CDH6: variants seen among roughly 807,000 people sequenced by gnomAD.
The protein encoded by CDH6 is cadherin-6.
Under a neutral mutation model 78.0 loss-of-function variants are expected in CDH6, and 31 were observed. The ratio of observed to expected loss-of-function variants is 0.40; its 90% CI spans 0.30 to 0.54. CDH6 has a LOEUF of 0.54. Ranked by LOEUF, CDH6 falls within the 20% of genes least tolerant of loss-of-function variation. The pLI, the probability that CDH6 is intolerant of heterozygous loss-of-function variation, is 0.56. For missense variants in CDH6, 724 were observed against 975.9 expected, an observed-to-expected ratio of 0.74 and a Z score of 3.44; for synonymous variants, 376 against 368.8, an observed-to-expected ratio of 1.02 and a Z score of -0.23.
chr5:31,236,977 C>T (rs1741470579), intron 1 of CDH6, among the ~76,000 whole-genome samples: 3 of 152,078 alleles, frequency 2.0e-5, no homozygotes, highest in South Asian at 2.1e-4. Flanking sequence ...AGAAAATTCA[C>T]ATAGATTTGT....
At chr5:31,198,544 TTC>T (rs992340818) in intron 1 of CDH6, among the ~76,000 whole-genome samples, 1 of 152,158 alleles carries the variant, frequency 6.6e-6, no homozygotes, top group African/African-American at 2.4e-5. Flanking sequence ...ACACTGTGTT[TTC>T]TCTTTCTCTA....
chr5:31,315,790 G>T (rs886137137), intron 8 of CDH6, among the ~76,000 whole-genome samples: 1 of 152,150 alleles, frequency 6.6e-6, no homozygotes, highest in Non-Finnish European at 1.5e-5. Context: ...TCTTGCTCTC[G>T]TTCAGCATTC....
intron 1 of CDH6, among the ~76,000 whole-genome samples, chr5:31,265,775 T>G (rs1037330977): frequency 1.5e-5 from 2 of 133,174 alleles, no homozygotes; most frequent in African/African-American, 5.8e-5. Context: ...CAATGTTTTT[T>G]TTTTTTTTTT....
intron 1 of CDH6, among the ~76,000 whole-genome samples, chr5:31,242,980 G>A (rs2149920239): frequency 6.6e-6 from 1 of 152,214 alleles, no homozygotes; most frequent in South Asian, 2.1e-4. Flanking sequence ...TTGGATTCCT[G>A]CTACTATGTT....
intron 1 of CDH6, among the ~76,000 whole-genome samples, chr5:31,263,935 C>T (rs1252860146): frequency 6.6e-6 from 1 of 152,122 alleles, no homozygotes; most frequent in Admixed American, 6.5e-5. Context: ...ATAAAGATGA[C>T]TTTTAAAATC....
chr5:31,318,536 G>C (rs954147454), intron 11 of CDH6: 1 of 229,618 alleles, frequency 4.4e-6, no homozygotes, highest in African/African-American at 2.2e-5. Context: ...ATCAGTATGG[G>C]GGCCCAAAAG....
At chr5:31,198,289 T>C (rs1740227053) in intron 1 of CDH6, among the ~76,000 whole-genome samples, 3 of 152,198 alleles carry the variant, frequency 2.0e-5, no homozygotes, top group Admixed American at 2.0e-4. Context: ...ACTAACACCA[T>C]TGGGTGCTGG....
At chr5:31,283,796 T>C (rs549907814) in intron 2 of CDH6, among the ~76,000 whole-genome samples, 6 of 150,546 alleles carry the variant, frequency 4.0e-5, no homozygotes, top group African/African-American at 1.5e-4. Context: ...GTCAGAAAAA[T>C]AGATTTTCTA....
chr5:31,324,013 G>A lies in CDH6; in HGVS notation c.*705G>A, dbSNP rs1217992709. The A allele has an allele frequency of 8.8e-6, 2 of 226,104 alleles. No individual in the cohort carries two copies. Among genetic ancestry groups the A allele is most frequent in the Admixed American group, 5.7e-5 (1 of 17,564 alleles). The allele number at this position is 226,104 out of a possible 1,614,324, so 14.0% of individuals were successfully genotyped here. A position where few individuals can be genotyped will look rare whatever the true frequency, so the allele number is the denominator to read the frequency against. On this transcript the variant is annotated 3_prime_UTR_variant, in exon 12 of 12. Transcript: ENST00000265071. ...TATATCCTAGACTAGACATGCGAAA[G>A]TTTGCCTTTGTACCATATAAAGGGG...
At chr5:31,210,491 G>C (rs918519975) in intron 1 of CDH6, among the ~76,000 whole-genome samples, 1 of 152,104 alleles carries the variant, frequency 6.6e-6, no homozygotes, top group Non-Finnish European at 1.5e-5. Flanking sequence ...TTAACAGAAC[G>C]AGACTTCATC....
At chr5:31,216,683 CA>C (rs70953498) in intron 1 of CDH6, among the ~76,000 whole-genome samples, 85 of 132,608 alleles carry the variant, frequency 6.4e-4, no homozygotes, top group African/African-American at 1.9e-3. Context: ...GCCCTGCCAC[CA>C]AAAAAAAAAA....
intron 1 of CDH6, among the ~76,000 whole-genome samples, chr5:31,241,537 G>C (rs1402238896): frequency 6.6e-6 from 1 of 152,230 alleles, no homozygotes. Context: ...GAAAATGAAA[G>C]TGCTTTAACT....
In CDH6 at chr5:31,267,702, G is replaced by C; in HGVS notation, c.228+1G>C. The C allele has an allele frequency of 6.2e-7, 1 of 1,609,512 alleles. No homozygotes were observed. The highest frequency in any genetic ancestry group is 8.5e-7 in the Non-Finnish European group (1 of 1,175,780). On this transcript the variant is annotated splice_donor_variant, in intron 2 of 11. Coordinates refer to ENST00000265071, the MANE Select transcript of CDH6 (RefSeq NM_004932.4). LOFTEE classifies it high-confidence loss of function. ...ATCCGATTATCAGTATGTGGGCAAGGTAGGATTCCTTTGAGTGCTTTGACA... is the reference window on the plus strand; with the variant it reads ...ATCCGATTATCAGTATGTGGGCAAGCTAGGATTCCTTTGAGTGCTTTGACA...
At chr5:31,224,680 A>G (rs2111838445) in intron 1 of CDH6, among the ~76,000 whole-genome samples, 1 of 152,156 alleles carries the variant, frequency 6.6e-6, no homozygotes, top group East Asian at 1.9e-4. Flanking sequence ...CAGCCTCCCA[A>G]GTAGCTGGGA....
chr5:31,306,060 A>G (rs1302198436), intron 7 of CDH6, among the ~76,000 whole-genome samples: 1 of 152,232 alleles, frequency 6.6e-6, no homozygotes, highest in Non-Finnish European at 1.5e-5. Context: ...GATTTTTTTA[A>G]GTGTAAGATT....
At chr5:31,246,973 A>T (rs922192752) in intron 1 of CDH6, among the ~76,000 whole-genome samples, 1 of 151,466 alleles carries the variant, frequency 6.6e-6, no homozygotes, top group Non-Finnish European at 1.5e-5. Flanking sequence ...CTGGTCTTGA[A>T]CTCCTGACCT....
chr5:31,260,560 T>C (rs1368972361), intron 1 of CDH6, among the ~76,000 whole-genome samples: 1 of 152,244 alleles, frequency 6.6e-6, no homozygotes, highest in Non-Finnish European at 1.5e-5. Flanking sequence ...TTGGATTTTA[T>C]CTTTATTAAT....
chr5:31,245,724 G>A (rs972755820), intron 1 of CDH6, among the ~76,000 whole-genome samples: 11 of 151,938 alleles, frequency 7.2e-5, no homozygotes, highest in African/African-American at 1.5e-4. Flanking sequence ...AGTTATCTAC[G>A]TAGCCAGCTC....
rs569257692 is a variant in CDH6, at chr5:31,309,006, T to C, written c.1253+3579T>C. On this transcript the variant is annotated intron_variant, in intron 7 of 11. Coordinates refer to ENST00000265071, the MANE Select transcript of CDH6 (RefSeq NM_004932.4). ...TGTAATTAACGATGTGCTATAAATA[T>C]TTATCATTCTCAAATTTAAAATAAG... Among the ~76,000 whole-genome samples the C allele has an allele frequency of 3.9e-5, 6 of 152,240 alleles. No individual in the cohort carries two copies. The South Asian group carries it at 1.0e-3, about 26-fold the overall frequency.
Sources: allele counts gnomAD v4.1 joint callset (sites outside exome capture counted in the v4.1 genomes callset), GRCh38; gene constraint gnomAD v4.1.1; transcripts MANE v1.5; gene names NCBI Gene and HGNC (gene_info 2026-07-23, HGNC 2026-07-21).